The following MED13 variants were observed in gnomAD, a reference collection of about 807,000 sequenced individuals.
The protein encoded by MED13 is mediator complex subunit 13, also known as mediator of RNA polymerase II transcription subunit 13.
Under a neutral mutation model 225.2 loss-of-function variants are expected in MED13, and 23 were observed. The ratio of observed to expected loss-of-function variants is 0.10; its 90% CI spans 0.07 to 0.14. The LOEUF (loss-of-function observed/expected upper bound fraction) is 0.14. Ranked by LOEUF, MED13 falls within the 10% of genes least tolerant of loss-of-function variation. MED13 has a pLI of 1.00. For missense variants in MED13, 2,197 were observed against 2,594.5 expected (o/e 0.85, Z 3.33); for synonymous variants, 942 against 889.2 (o/e 1.06, Z -1.06).
chr17:62,019,475 CTATTT>C (rs2080616375), intron 8 of MED13, among the ~76,000 whole-genome samples: 1 of 152,112 alleles, frequency 6.6e-6, no homozygotes, highest in Admixed American at 6.5e-5. Context: ...GAGAATTAGT[CTATTT>C]TATGCAAGGC....
Position 62,033,952 on chromosome 17 carries a change from G to C in MED13, c.649C>G (p.Leu217Val). 1 of 1,614,070 alleles carries C rather than the reference G, an allele frequency of 6.2e-7. No individual in the cohort carries two copies. The highest frequency in any genetic ancestry group is 8.5e-7 in the Non-Finnish European group (1 of 1,180,002). ...GACATCTTGAATGCCTGTCCTGTGAGAGTGCCATTTAGTCCAAATGGGCAT... is the reference window on the plus strand; with the variant it reads ...GACATCTTGAATGCCTGTCCTGTGACAGTGCCATTTAGTCCAAATGGGCAT... ...ILCPFGLNGT[L>V]TGQAFKMSDS... Residue 217 changes from leucine to valine, a missense_variant, in exon 5 of 30, where the codon CTC becomes GTC. Physicochemically the swap from Leu to Val is conservative, Grantham distance 32. Around this residue, in one of 12 missense-constraint regions of MED13, gnomAD observed 884 missense variants for 918.5 expected, o/e 0.96. Coordinates refer to ENST00000397786, the MANE Select transcript of MED13 (RefSeq NM_005121.3).
In MED13 at chr17:61,962,723, T is replaced by C. The variant is rs781534247; in HGVS notation, c.5064+29A>G. 3 of 1,591,750 alleles carry C rather than the reference T, an allele frequency of 1.9e-6. No individual in the cohort carries two copies. In the Admixed American group the frequency reaches 5.0e-5, roughly 27 times the overall value. On this transcript the variant is annotated intron_variant, in intron 21 of 29. Coordinates refer to ENST00000397786, the MANE Select transcript of MED13 (RefSeq NM_005121.3). The stretch of plus-strand genomic sequence containing the variant: ...GACAACATTAAACTGTTTTACATAA[T>C]TTTAACTCACAACATCTATCACTCT...
At chr17:62,038,321 G>A (rs986783733) in intron 3 of MED13, among the ~76,000 whole-genome samples, 1 of 152,094 alleles carries the variant, frequency 6.6e-6, no homozygotes, top group Non-Finnish European at 1.5e-5. Context: ...AGGAACATCT[G>A]AGCCTGAGAG....
intron 2 of MED13, among the ~76,000 whole-genome samples, chr17:62,058,520 C>CAAAAAAAAAAAAAAAAAA (rs751957495): frequency 7.5e-5 from 4 of 53,450 alleles, no homozygotes; most frequent in East Asian, 3.8e-4. Flanking sequence ...GACTTCATCT[C>CAAAAAAAAAAAAAAAAAA]AAAAAAAAAA....
chr17:62,015,415 A>G (rs1038842021), intron 8 of MED13, among the ~76,000 whole-genome samples: 2 of 152,210 alleles, frequency 1.3e-5, no homozygotes, highest in Non-Finnish European at 2.9e-5. Context: ...AAGTGCTAAC[A>G]TGGATAAACA....
chr17:62,019,730 T>C (rs916968142), intron 8 of MED13, among the ~76,000 whole-genome samples: 13 of 151,934 alleles, frequency 8.6e-5, no homozygotes, highest in East Asian at 3.9e-4. Context: ...GAGAGTACAA[T>C]TGAATTTCTT....
intron 20 of MED13, 25 bp from the exon 21 acceptor site, chr17:61,962,996 C>T (rs982161888): frequency 4.3e-5 from 69 of 1,605,884 alleles, no homozygotes; most frequent in Non-Finnish European, 5.1e-5. Context: ...AGAAATGAGA[C>T]AAAAAGTTGT....
chr17:61,982,859 T>C lies in MED13; in HGVS notation c.3144A>G (p.Pro1048=), dbSNP rs1483765801. 6.2e-7 allele frequency: 1 copy of C among 1,614,126 alleles called. No individual in the cohort carries two copies. The highest frequency in any genetic ancestry group is 1.7e-5 in the Admixed American group (1 of 59,998). ...NSDLYSPAST[P]STCRPLNSVE... is the part of the protein sequence containing the mutation. ...CAGAATTAAGGGGTCTGCATGTAGA[T>C]GGGGTAGAAGCTGGTGAATACAAGT... The change falls in exon 16 of 30, where the codon CCA becomes CCG. Residue 1048 remains proline (P), a synonymous_variant. Coordinates refer to ENST00000397786, the MANE Select transcript of MED13 (RefSeq NM_005121.3).
Position 61,966,624 on chromosome 17 carries a change from C to T in MED13, c.4219G>A (p.Val1407Ile), listed in dbSNP as rs746485967. Residue 1407 changes from valine to isoleucine, a missense_variant, in exon 19 of 30, where the codon GTT becomes ATT. Val to Ile is a conservative substitution (Grantham distance 29). This residue lies in a region of MED13 where 457 missense variants were observed against 442.2 expected (regional missense o/e 1.03). Transcript: ENST00000397786. Reference protein sequence around the residue: ...ESCRLGQHRPVSRLLTDGIMR... With the variant: ...ESCRLGQHRPISRLLTDGIMR... ...ATCCCATCTGTTAACAGTCGAGAAACAGGTCTATGTTGACCTAATCGACAG... is the reference window on the plus strand; with the variant it reads ...ATCCCATCTGTTAACAGTCGAGAAATAGGTCTATGTTGACCTAATCGACAG... 6.2e-7 allele frequency: 1 copy of T among 1,612,876 alleles called. No individual in the cohort carries two copies. Among genetic ancestry groups the T allele is most frequent in the Non-Finnish European group, 8.5e-7 (1 of 1,179,550 alleles).
intron 8 of MED13, chr17:62,029,320 T>C: frequency 1.9e-6 from 1 of 530,626 alleles, no homozygotes; most frequent in Non-Finnish European, 3.3e-6. Flanking sequence ...AAACAAAACT[T>C]TCAGAGTCTG....
intron 12 of MED13, among the ~76,000 whole-genome samples, 187 bp from the exon 13 acceptor site, chr17:61,985,277 AATTT>A (rs1164745632): frequency 1.3e-5 from 2 of 152,204 alleles, no homozygotes; most frequent in African/African-American, 2.4e-5. Context: ...ACTCCAGATT[AATTT>A]ATTTGGTAAG....
rs778049612 is a variant in MED13 at position 61,961,676 on chromosome 17, C to T, written c.5168G>A (p.Arg1723Gln). 5 of 1,613,928 alleles carry T rather than the reference C, an allele frequency of 3.1e-6. No individual in the cohort carries two copies. The highest frequency in any genetic ancestry group is 2.2e-5 in the South Asian group (2 of 91,076). ...ATTGGTTGATGTTGGAAGTGGCCTCCGACACTGGGTAAAGGCCGAAAAAGC... is the reference window on the plus strand; with the variant it reads ...ATTGGTTGATGTTGGAAGTGGCCTCTGACACTGGGTAAAGGCCGAAAAAGC... ...SLAFSAFTQCRRPLPTSTNVK... is the reference protein window; with the variant it reads ...SLAFSAFTQCQRPLPTSTNVK... The change falls in exon 22 of 30, where the codon CGG becomes CAG. Residue 1723 changes from arginine to glutamine, a missense_variant. Coordinates refer to ENST00000397786, the MANE Select transcript of MED13 (RefSeq NM_005121.3).
intron 9 of MED13, among the ~76,000 whole-genome samples, chr17:61,998,176 T>C (rs761254604): frequency 1.3e-5 from 2 of 152,224 alleles, no homozygotes; most frequent in Non-Finnish European, 2.9e-5. Flanking sequence ...ACATCAATTA[T>C]ATAGTACACA....
chr17:62,008,343 ATT>A, intron 9 of MED13, among the ~76,000 whole-genome samples: 3 of 149,980 alleles, frequency 2.0e-5, no homozygotes, highest in South Asian at 2.1e-4. Context: ...AAAAAAAAAA[ATT>A]GAGTTAGCCT....
chr17:61,973,664 T>G (rs2080128422), intron 16 of MED13, among the ~76,000 whole-genome samples: 1 of 152,198 alleles, frequency 6.6e-6, no homozygotes, highest in Admixed American at 6.5e-5. Context: ...AGTTTATCGT[T>G]ATTGGCCCCA....
At chr17:61,969,578 CAT>C (rs965278790) in intron 17 of MED13, among the ~76,000 whole-genome samples, 1 of 151,994 alleles carries the variant, frequency 6.6e-6, no homozygotes, top group Non-Finnish European at 1.5e-5. Context: ...GCGCAGATCT[CAT>C]GTTAAGTGTT....
intron 9 of MED13, chr17:62,006,501 A>G (rs1023911790): frequency 1.3e-5 from 2 of 152,220 alleles, no homozygotes; most frequent in Non-Finnish European, 2.9e-5. Context: ...GTTATCATAA[A>G]GCGAATTATC....
chr17:61,956,471 T>C lies in MED13; in HGVS notation c.5491A>G (p.Lys1831Glu). ...NIDVPNRARR[K>E]KSSARKFGLQ... is the part of the protein sequence containing the mutation. ...CCAAATTTTCTAGCAGAACTTTTTT[T>C]CCGACGAGCCCTATTGTGTGAATAA... Residue 1831 changes from lysine to glutamate, a missense_variant, in exon 24 of 30, where the codon AAA (lysine) becomes GAA (glutamate). Physicochemically the swap from Lys to Glu is moderately conservative, Grantham distance 56. Transcript: ENST00000397786. 6.2e-7 allele frequency: 1 copy of C among 1,611,946 alleles called. No individual in the cohort carries two copies. The highest frequency in any genetic ancestry group is 8.5e-7 in the Non-Finnish European group (1 of 1,179,378).
At chr17:61,973,351 T>C (rs2080125710) in intron 16 of MED13, among the ~76,000 whole-genome samples, 1 of 152,156 alleles carries the variant, frequency 6.6e-6, no homozygotes. Context: ...TTAACAATTC[T>C]AAAATACAGA....
Sources: gnomAD v4.1 joint callset for allele counts (sites outside exome capture counted in the v4.1 genomes callset) on GRCh38, gnomAD v4.1.1 for gene constraint, gnomAD v4.1.1 regional missense constraint, MANE v1.5 for transcripts, NCBI Gene and HGNC (gene_info 2026-07-23, HGNC 2026-07-21) for gene names.